SMC1B: variants seen among roughly 807,000 people sequenced by gnomAD.
SMC1B encodes structural maintenance of chromosomes 1B.
In SMC1B, 60 loss-of-function variants were observed where a neutral mutation model predicts 157.9. The ratio of observed to expected loss-of-function variants is 0.38; its 90% CI spans 0.31 to 0.47. The LOEUF (loss-of-function observed/expected upper bound fraction) is 0.47. SMC1B is among the 20% of genes least tolerant of loss of function. The pLI, the probability that SMC1B is intolerant of heterozygous loss-of-function variation, is 0.99. For synonymous variants in SMC1B, 445 were observed against 483.0 expected, an observed-to-expected ratio of 0.92 and a Z score of 1.03; for missense variants, 1,165 against 1,426.2, an observed-to-expected ratio of 0.82 and a Z score of 2.95.
intron 10 of SMC1B, among the ~76,000 whole-genome samples, chr22:45,388,094 C>T (rs1031787281): frequency 2.7e-4 from 41 of 150,632 alleles, no homozygotes; most frequent in African/African-American, 1.0e-3. Context: ...ATCAGGAAAG[C>T]CTTCAGAGCT....
At chr22:45,353,893 C>CAAAAAGAAAAAAAAAAA in intron 21 of SMC1B, 85 bp downstream of exon 21, 1 of 246,794 alleles carries the variant, frequency 4.1e-6, no homozygotes, top group Non-Finnish European at 6.8e-6. Context: ...TATTTCCCAC[C>CAAAAAGAAAAAAAAAAA]AAAAAAAAAA....
Position 45,402,578 on chromosome 22 carries a change from AAG to A in SMC1B, c.616-9_616-8del. ...GACTCTGGTAACGTTCTGCCTATAA[AAG>A]AGTATAATTCAACAGCAGTTAAAAG... On this transcript the variant is annotated splice_region_variant and splice_polypyrimidine_tract_variant and intron_variant, in intron 4 of 24. Transcript: ENST00000357450. The A allele has an allele frequency of 6.2e-7, 1 of 1,601,738 alleles. No homozygotes were observed.
At chr22:45,400,289 G>A (rs1359088111) in intron 5 of SMC1B, among the ~76,000 whole-genome samples, 1 of 151,988 alleles carries the variant, frequency 6.6e-6, no homozygotes, top group East Asian at 1.9e-4. Context: ...GCTTGGACTG[G>A]CTTATACAAG....
Position 45,372,158 on chromosome 22 carries a change from G to C in SMC1B, c.2193C>G (p.Tyr731Ter). ...ATTTTATGTAAGTCTATATTACCTG[G>C]TAAAAAGCAACAAGGTGCTTCTTCT... is the stretch of plus-strand genomic sequence containing the variant. ...MIKKKHLVAF[Y>*]QEQSQLQSEL... Residue 731 changes from tyrosine to a stop codon, truncating the protein, a stop_gained, in exon 13 of 25, where the codon TAC (tyrosine) becomes TAG (stop). Coordinates refer to ENST00000357450, the MANE Select transcript of SMC1B (RefSeq NM_148674.5). LOFTEE classifies it high-confidence loss of function. The C allele has an allele frequency of 6.2e-7, 1 of 1,601,338 alleles. No individual in the cohort carries two copies. The highest frequency in any genetic ancestry group is 1.1e-5 in the South Asian group (1 of 88,082).
intron 15 of SMC1B, among the ~76,000 whole-genome samples, chr22:45,364,406 T>A (rs2086752666): frequency 6.6e-6 from 1 of 152,138 alleles, no homozygotes; most frequent in Non-Finnish European, 1.5e-5. Context: ...TAATGAGAGG[T>A]TACTATATAC....
Position 45,406,592 on chromosome 22 carries a change from T to G in SMC1B, c.483A>C (p.Ser161=). 2 of 1,613,782 alleles carry G rather than the reference T, an allele frequency of 1.2e-6. No individual in the cohort carries two copies. Among genetic ancestry groups the G allele is most frequent in the Non-Finnish European group, 1.7e-6 (2 of 1,179,896 alleles). ...RTQFFEEIST[S]GELIGEYEEK... Reference sequence around the variant, plus strand: ...CTTCATATTCTCCTATAAGCTCTCCTGAAGTGCTGATTTCCTCAAAAAACT... The same window carrying G: ...CTTCATATTCTCCTATAAGCTCTCCGGAAGTGCTGATTTCCTCAAAAAACT... Residue 161 remains serine (S), a synonymous_variant, in exon 4 of 25, where the codon TCA becomes TCC. Transcript: ENST00000357450.
At chr22:45,402,766 A>C (rs954822280) in intron 4 of SMC1B, among the ~76,000 whole-genome samples, 195 bp from the exon 5 acceptor site, 42 of 152,200 alleles carry the variant, frequency 2.8e-4, no homozygotes, top group Non-Finnish European at 4.4e-4. Flanking sequence ...CCAGCAAATG[A>C]TTTTGTGTTC....
chr22:45,362,581 A>G (rs1475868229), intron 16 of SMC1B, among the ~76,000 whole-genome samples: 1 of 152,168 alleles, frequency 6.6e-6, no homozygotes, highest in Non-Finnish European at 1.5e-5. Context: ...GGAAATTGCC[A>G]TCTAGACATC....
intron 8 of SMC1B, among the ~76,000 whole-genome samples, chr22:45,394,467 C>T (rs2087099604): frequency 6.6e-6 from 1 of 152,080 alleles, no homozygotes; most frequent in Admixed American, 6.6e-5. Flanking sequence ...TGGTGAAACC[C>T]CATCTTTACC....
intron 12 of SMC1B, among the ~76,000 whole-genome samples, chr22:45,374,354 A>G (rs2086864949): frequency 6.6e-6 from 1 of 152,192 alleles, no homozygotes; most frequent in Non-Finnish European, 1.5e-5. Flanking sequence ...TGGTCTTTCT[A>G]GAGATTGGGT....
intron 24 of SMC1B, 48 bp downstream of exon 24, chr22:45,345,411 G>T: frequency 8.5e-7 from 1 of 1,170,048 alleles, no homozygotes; most frequent in South Asian, 1.3e-5. Context: ...AGGGTACTAA[G>T]GGAAGTTGGC....
intron 23 of SMC1B, among the ~76,000 whole-genome samples, chr22:45,345,880 T>G (rs2086546157): frequency 6.6e-6 from 1 of 152,252 alleles, no homozygotes; most frequent in Middle Eastern, 3.4e-3. Context: ...AGAGTATTTT[T>G]TGAGGGTGAA....
intron 7 of SMC1B, among the ~76,000 whole-genome samples, chr22:45,395,991 G>T (rs911972716): frequency 6.6e-6 from 1 of 152,128 alleles, no homozygotes; most frequent in African/African-American, 2.4e-5. Flanking sequence ...AAGATGAATA[G>T]GTTATTCCAA....
At chr22:45,396,205 C>G in intron 7 of SMC1B, 141 bp downstream of exon 7, 1 of 701,642 alleles carries the variant, frequency 1.4e-6, no homozygotes. Context: ...ATATTTGTAT[C>G]TTCATCTGCC....
intron 4 of SMC1B, among the ~76,000 whole-genome samples, chr22:45,405,594 T>C (rs1037852612): frequency 6.6e-6 from 1 of 151,902 alleles, no homozygotes; most frequent in Non-Finnish European, 1.5e-5. Context: ...GTTTTATGCA[T>C]GGAAAGTTAG....
chr22:45,372,047 GAAAAA>G, intron 13 of SMC1B, 103 bp downstream of exon 13: 1 of 769,494 alleles, frequency 1.3e-6, no homozygotes, highest in South Asian at 2.7e-5. Flanking sequence ...TCTGTCTCAG[GAAAAA>G]AAAAAAAGTA....
Position 45,388,965 on chromosome 22 carries a change from C to T in SMC1B, c.1731+747G>A, listed in dbSNP as rs181684039. ...TCGTGCCACTGCACTCCAGACTGGG[C>T]GAAAGAGCAAGACTCTGCCTCAAAA... On this transcript the variant is annotated intron_variant, in intron 10 of 24. Transcript: ENST00000357450. 7.3e-3 allele frequency among the ~76,000 whole-genome samples: 714 copies of T among 98,116 alleles called. 6 individuals are homozygous for T. The highest frequency in any genetic ancestry group is 0.029 in the African/African-American group (631 of 22,000). The allele number at this position is 98,116 out of a possible 152,430, so 64.4% of individuals were successfully genotyped here. A position where few individuals can be genotyped will look rare whatever the true frequency, so the allele number is the denominator to read the frequency against.
intron 14 of SMC1B, among the ~76,000 whole-genome samples, chr22:45,371,206 T>G (rs2086827625): frequency 6.6e-6 from 1 of 152,230 alleles, no homozygotes; most frequent in Non-Finnish European, 1.5e-5. Flanking sequence ...AGAATGAGAC[T>G]ATAATTTTCA....
At chr22:45,347,479 A>G (rs971898690) in intron 23 of SMC1B, among the ~76,000 whole-genome samples, 1 of 152,228 alleles carries the variant, frequency 6.6e-6, no homozygotes, top group Non-Finnish European at 1.5e-5. Flanking sequence ...AGAGTAAGCA[A>G]TCAAGGAGGT....
Sources: allele counts gnomAD v4.1 joint callset (sites outside exome capture counted in the v4.1 genomes callset), GRCh38; gene constraint gnomAD v4.1.1; transcripts MANE v1.5; gene names NCBI Gene and HGNC (gene_info 2026-07-23, HGNC 2026-07-21).